Variants in UBE2K observed in about 807,000 individuals in gnomAD.
UBE2K encodes ubiquitin-conjugating enzyme E2 K.
A neutral mutation model predicts 30.0 loss-of-function variants in UBE2K; 6 were observed. The ratio of observed to expected loss-of-function variants is 0.20; its 90% CI spans 0.11 to 0.39. The LOEUF is 0.39. Among genes scored for constraint, UBE2K ranks in the 10% least tolerant of loss-of-function variants. UBE2K has a pLI of 1.00. For missense variants in UBE2K, 61 were observed against 241.6 expected (o/e 0.25, Z 4.96); for synonymous variants, 86 against 83.7 (o/e 1.03, Z -0.15).
intron 1 of UBE2K, among the ~76,000 whole-genome samples, chr4:39,699,389 T>G (rs1717884300): frequency 6.6e-6 from 1 of 152,208 alleles, no homozygotes; most frequent in Non-Finnish European, 1.5e-5. Flanking sequence ...TTATTGAGAT[T>G]TATCACGACT....
rs373099622 is a variant in UBE2K at position 39,698,438 on chromosome 4, G to A, written c.63+48G>A. ...TCCCCCACCTCTGCCTGGGGCGGGA[G>A]GGTCCTCCCAGCTGCGACCCCGATA... is the stretch of plus-strand genomic sequence containing the variant. On this transcript the variant is annotated intron_variant, in intron 1 of 6. Coordinates refer to ENST00000261427, the MANE Select transcript of UBE2K (RefSeq NM_005339.5). The A allele has an allele frequency of 4.6e-5, 72 of 1,566,476 alleles. No individual in the cohort carries two copies. The African/African-American group carries it at 8.2e-4, about 18-fold the overall frequency.
intron 3 of UBE2K, among the ~76,000 whole-genome samples, chr4:39,752,428 C>T: frequency 6.7e-6 from 1 of 150,172 alleles, no homozygotes; most frequent in African/African-American, 2.5e-5. Flanking sequence ...GCTCCGCTTC[C>T]CAGGTTCACG....
At chr4:39,760,396 ATAACT>A (rs1430614275) in intron 4 of UBE2K, among the ~76,000 whole-genome samples, 1 of 152,092 alleles carries the variant, frequency 6.6e-6, no homozygotes, top group African/African-American at 2.4e-5. Context: ...CCAACGGGAA[ATAACT>A]TAGATGTCTC....
intron 4 of UBE2K, among the ~76,000 whole-genome samples, chr4:39,769,797 T>C (rs1165053859): frequency 6.6e-6 from 1 of 150,470 alleles, no homozygotes; most frequent in East Asian, 2.0e-4. Flanking sequence ...TCCCTCCACA[T>C]ACACATGCGC....
intron 1 of UBE2K, among the ~76,000 whole-genome samples, chr4:39,718,629 G>T (rs1252959637): frequency 2.0e-5 from 3 of 152,258 alleles, no homozygotes; most frequent in Admixed American, 2.0e-4. Context: ...CGGGCTGCAG[G>T]TCCCGAGCCC....
intron 4 of UBE2K, chr4:39,770,084 G>A: frequency 1.9e-6 from 3 of 1,548,018 alleles, no homozygotes; most frequent in South Asian, 1.2e-5. Flanking sequence ...TGCGCGGCTA[G>A]CGGATGAGGA....
chr4:39,776,159 A>G (rs1034411338), intron 5 of UBE2K, among the ~76,000 whole-genome samples: 2 of 152,230 alleles, frequency 1.3e-5, no homozygotes, highest in Admixed American at 1.3e-4. Context: ...GCAGTGTTAC[A>G]TTCAGGTATC....
intron 4 of UBE2K, among the ~76,000 whole-genome samples, chr4:39,769,400 C>T (rs1242253996): frequency 6.7e-6 from 1 of 148,564 alleles, no homozygotes; most frequent in African/African-American, 2.5e-5. Flanking sequence ...GCCTTACCCC[C>T]CCACCCCCAT....
chr4:39,749,937 G>A (rs1040393627), intron 3 of UBE2K, among the ~76,000 whole-genome samples: 1 of 152,124 alleles, frequency 6.6e-6, no homozygotes, highest in African/African-American at 2.4e-5. Context: ...GGTGGCTCAC[G>A]CCTGTAATCC....
intron 1 of UBE2K, among the ~76,000 whole-genome samples, chr4:39,733,546 T>C (rs1720194249): frequency 6.6e-6 from 1 of 152,108 alleles, no homozygotes; most frequent in South Asian, 2.1e-4. Context: ...TTGGCCAAGC[T>C]AGTCTCAAAC....
Position 39,779,042 on chromosome 4 carries a change from A to ACCCCCCCCCCCCCCCCCCCCCCCCCCCC in UBE2K, c.*616_*617insCCCCCCCCCCCCCCCCCCCCCCCCCCCC, listed in dbSNP as rs3839130. The ACCCCCCCCCCCCCCCCCCCCCCCCCCCC allele has an allele frequency of 7.8e-6, 1 of 128,222 alleles. No individual in the cohort carries two copies. Among genetic ancestry groups the ACCCCCCCCCCCCCCCCCCCCCCCCCCCC allele is most frequent in the Admixed American group, 8.7e-5 (1 of 11,470 alleles). The allele number at this position is 128,222 out of a possible 1,614,324, so 7.9% of individuals were successfully genotyped here. On this transcript the variant is annotated 3_prime_UTR_variant, in exon 7 of 7. Transcript: ENST00000261427. ...TGGGACAGTGTCTGATTCCCCCTTC[A>ACCCCCCCCCCCCCCCCCCCCCCCCCCCC]CCCCCCCCACCCCCGCCTTGCCACA...
intron 3 of UBE2K, among the ~76,000 whole-genome samples, chr4:39,750,182 A>C (rs1721184167): frequency 6.6e-6 from 1 of 152,194 alleles, no homozygotes; most frequent in Non-Finnish European, 1.5e-5. Flanking sequence ...CGACAGAGTG[A>C]GACTCCATCT....
intron 3 of UBE2K, among the ~76,000 whole-genome samples, chr4:39,752,559 A>G: frequency 6.6e-6 from 1 of 151,888 alleles, no homozygotes; most frequent in East Asian, 1.9e-4. Context: ...GATGGTCTCA[A>G]TCTCCTGACC....
At chr4:39,750,442 G>A (rs999308741) in intron 3 of UBE2K, among the ~76,000 whole-genome samples, 2 of 152,160 alleles carry the variant, frequency 1.3e-5, no homozygotes, top group African/African-American at 2.4e-5. Flanking sequence ...AGAATCTGTT[G>A]TTACATAGTG....
chr4:39,727,942 C>G (rs1719845660), intron 1 of UBE2K, among the ~76,000 whole-genome samples: 3 of 151,872 alleles, frequency 2.0e-5, no homozygotes, highest in Admixed American at 2.0e-4. Context: ...CCAGCCTGGC[C>G]AATGTGGTGA....
At position 39,698,404 on chromosome 4, in the gene UBE2K, TC is replaced by T; in HGVS notation, c.63+17del. ...AAGAGCGAGGAGGTCAGAAATGAACTCCCGGATATCCCCCACCTCTGCCTGG... is the reference window on the plus strand; with the variant it reads ...AAGAGCGAGGAGGTCAGAAATGAACTCCGGATATCCCCCACCTCTGCCTGG... On this transcript the variant is annotated intron_variant, in intron 1 of 6. Coordinates refer to ENST00000261427, the MANE Select transcript of UBE2K (RefSeq NM_005339.5). 1 of 1,605,282 alleles carries T rather than the reference TC, an allele frequency of 6.2e-7. No homozygotes were observed. The highest frequency in any genetic ancestry group is 8.5e-7 in the Non-Finnish European group (1 of 1,176,174).
chr4:39,740,903 G>C (rs1278663925), intron 2 of UBE2K, among the ~76,000 whole-genome samples: 1 of 149,612 alleles, frequency 6.7e-6, no homozygotes, highest in Non-Finnish European at 1.5e-5. Context: ...TTATTGGTTA[G>C]AAACAAGTTT....
At chr4:39,739,094 C>T (rs930128744) in intron 2 of UBE2K, among the ~76,000 whole-genome samples, 1 of 151,708 alleles carries the variant, frequency 6.6e-6, no homozygotes, top group Non-Finnish European at 1.5e-5. Context: ...GTGGCGCGAT[C>T]TCGGCTCACT....
chr4:39,748,233 CT>C (rs1294772886), intron 3 of UBE2K, among the ~76,000 whole-genome samples: 1 of 151,834 alleles, frequency 6.6e-6, no homozygotes, highest in African/African-American at 2.4e-5. Flanking sequence ...CTCATCCCCA[CT>C]TTTTTTTAGA....
Sources: allele counts gnomAD v4.1 joint callset (sites outside exome capture counted in the v4.1 genomes callset), GRCh38; gene constraint gnomAD v4.1.1; transcripts MANE v1.5; gene names NCBI Gene and HGNC (gene_info 2026-07-23, HGNC 2026-07-21).